Variants in DLG2 observed in about 807,000 individuals in gnomAD.
The protein encoded by DLG2 is discs large MAGUK scaffold protein 2, also known as disks large homolog 2.
DLG2 carries 45 observed loss-of-function variants against 132.5 expected under a neutral mutation model. That is an observed-to-expected ratio of 0.34 (90% CI 0.27 to 0.44). The LOEUF is 0.44. DLG2 is among the 20% of genes least tolerant of loss of function. The pLI, the probability that DLG2 is intolerant of heterozygous loss-of-function variation, is 1.00. For missense variants in DLG2, 1,045 were observed against 1,196.9 expected, an observed-to-expected ratio of 0.87 and a Z score of 1.87; for synonymous variants, 424 against 419.6, an observed-to-expected ratio of 1.01 and a Z score of -0.13.
intron 3 of DLG2, among the ~76,000 whole-genome samples, chr11:85,359,938 G>A (rs1035728810): frequency 1.1e-4 from 17 of 152,156 alleles, no homozygotes; most frequent in African/African-American, 1.7e-4. Context: ...ATATAACCAA[G>A]TGTTCTCCAG....
intron 8 of DLG2, among the ~76,000 whole-genome samples, chr11:84,228,475 C>T (rs1477277979): frequency 6.6e-6 from 1 of 152,114 alleles, no homozygotes; most frequent in Non-Finnish European, 1.5e-5. Flanking sequence ...TTATATGTAG[C>T]TCATGCCAAT....
rs780023036 is a variant in DLG2 at position 84,273,152 on chromosome 11, G to A, written c.520-21861C>T. On this transcript the variant is annotated intron_variant, in intron 7 of 27. Transcript: ENST00000376104. ...AAAATAAAAGAAAATTTTCCTTACC[G>A]GAATAAATGCATGTTGCATAGCTTG... 4.1e-5 allele frequency: 62 copies of A among 1,511,678 alleles called. No individual in the cohort carries two copies. In the Middle Eastern group the frequency reaches 5.2e-4, roughly 13 times the overall value. 93.6% of individuals were successfully genotyped at this position (1,511,678 alleles called of 1,614,324 possible).
intron 6 of DLG2, among the ~76,000 whole-genome samples, chr11:84,929,995 G>A (rs1213987271): frequency 6.6e-6 from 1 of 152,032 alleles, no homozygotes; most frequent in East Asian, 1.9e-4. Context: ...TTCTGGATAA[G>A]AGAAAAGTCT....
intron 6 of DLG2, among the ~76,000 whole-genome samples, chr11:84,697,333 C>T (rs141893261): frequency 7.7e-4 from 116 of 151,442 alleles, no homozygotes; most frequent in Middle Eastern, 6.8e-3. Flanking sequence ...TCATCCTAGC[C>T]GAATTAGTAT....
At chr11:84,795,003 G>A (rs1011635796) in intron 6 of DLG2, among the ~76,000 whole-genome samples, 4 of 152,224 alleles carry the variant, frequency 2.6e-5, no homozygotes, top group African/African-American at 9.6e-5. Flanking sequence ...CCCTAGTGAA[G>A]CCCTACCATC....
chr11:85,222,120 G>T (rs568185005), intron 4 of DLG2, among the ~76,000 whole-genome samples: 1 of 151,204 alleles, frequency 6.6e-6, no homozygotes, highest in Non-Finnish European at 1.5e-5. Flanking sequence ...TCGGTTTTTT[G>T]TTTGTTTGTT....
At chr11:84,351,017 T>C (rs1374665058) in intron 7 of DLG2, among the ~76,000 whole-genome samples, 1 of 152,194 alleles carries the variant, frequency 6.6e-6, no homozygotes, top group Non-Finnish European at 1.5e-5. Flanking sequence ...TACAGGATTT[T>C]ATTTTTTGGA....
At chr11:85,463,010 T>A (rs1350689082) in intron 3 of DLG2, among the ~76,000 whole-genome samples, 1 of 152,180 alleles carries the variant, frequency 6.6e-6, no homozygotes, top group Admixed American at 6.5e-5. Flanking sequence ...AAGGCAGCCA[T>A]CTGCCCAAGG....
intron 6 of DLG2, among the ~76,000 whole-genome samples, chr11:84,730,296 T>A (rs1449672857): frequency 6.6e-6 from 1 of 152,034 alleles, no homozygotes; most frequent in Non-Finnish European, 1.5e-5. Flanking sequence ...TAATAATACC[T>A]CTGTCACAGG....
At chr11:84,945,446 G>A (rs2050074652) in intron 6 of DLG2, among the ~76,000 whole-genome samples, 1 of 152,144 alleles carries the variant, frequency 6.6e-6, no homozygotes, top group South Asian at 2.1e-4. Context: ...GCTGCCTGGA[G>A]CTATGGAGGG....
chr11:84,022,229 G>A (rs2095416465), intron 11 of DLG2, among the ~76,000 whole-genome samples: 1 of 152,036 alleles, frequency 6.6e-6, no homozygotes, highest in Non-Finnish European at 1.5e-5. Context: ...AACATTCGGG[G>A]CATCCTTTTC....
intron 7 of DLG2, among the ~76,000 whole-genome samples, chr11:84,324,266 A>G (rs1401063836): frequency 2.0e-5 from 3 of 152,034 alleles, no homozygotes; most frequent in Non-Finnish European, 4.4e-5. Flanking sequence ...ATTCTTTTGC[A>G]TATGATTATT....
At chr11:84,285,608 C>T (rs1217287543) in intron 7 of DLG2, among the ~76,000 whole-genome samples, 1 of 152,176 alleles carries the variant, frequency 6.6e-6, no homozygotes, top group Non-Finnish European at 1.5e-5. Flanking sequence ...TGCCAGTAAT[C>T]CTTCCTTCTT....
chr11:85,208,979 T>A (rs1045582208), intron 4 of DLG2, among the ~76,000 whole-genome samples: 1 of 152,130 alleles, frequency 6.6e-6, no homozygotes, highest in African/African-American at 2.4e-5. Context: ...CCGCAATATG[T>A]AAGTCCTTTG....
chr11:83,523,798 C>T (rs2095540927), intron 21 of DLG2, among the ~76,000 whole-genome samples: 1 of 152,142 alleles, frequency 6.6e-6, no homozygotes, highest in Non-Finnish European at 1.5e-5. Context: ...TAGCAGAGAA[C>T]TCAGAAACCA....
At chr11:85,215,602 C>T (rs1199457136) in intron 4 of DLG2, among the ~76,000 whole-genome samples, 2 of 152,074 alleles carry the variant, frequency 1.3e-5, no homozygotes, top group African/African-American at 2.4e-5. Context: ...CAAAGATGTT[C>T]CAGAAGAATC....
chr11:84,422,101 T>C (rs1394788770), intron 7 of DLG2, among the ~76,000 whole-genome samples: 1 of 152,184 alleles, frequency 6.6e-6, no homozygotes, highest in Admixed American at 6.5e-5. Context: ...CTCTTCAGAG[T>C]TGAGGAAGGT....
chr11:84,936,115 A>C (rs2048715927), intron 6 of DLG2, among the ~76,000 whole-genome samples: 1 of 152,184 alleles, frequency 6.6e-6, no homozygotes, highest in South Asian at 2.1e-4. Context: ...TAACGGATGA[A>C]TGAATGAAGC....
chr11:85,303,376 A>T (rs1017586481), intron 3 of DLG2, among the ~76,000 whole-genome samples: 1 of 152,218 alleles, frequency 6.6e-6, no homozygotes, highest in African/African-American at 2.4e-5. Context: ...CATTTTGACC[A>T]TGAGAAATGA....
Sources: gnomAD v4.1 joint callset for allele counts (sites outside exome capture counted in the v4.1 genomes callset) on GRCh38, gnomAD v4.1.1 for gene constraint, MANE v1.5 for transcripts, NCBI Gene and HGNC (gene_info 2026-07-23, HGNC 2026-07-21) for gene names.